Variants in AACS observed in about 807,000 individuals in gnomAD.
AACS encodes the protein acetoacetate-CoA ligase.
AACS carries 69 observed loss-of-function variants against 83.1 expected under a neutral mutation model. That is an observed-to-expected ratio of 0.83 (90% CI 0.68 to 1.01). The LOEUF is 1.01. Ranked by LOEUF, AACS falls within the 50% of genes least tolerant of loss-of-function variation. AACS has a pLI of 0.00. For missense variants in AACS, 866 were observed against 882.2 expected (o/e 0.98, Z 0.23); for synonymous variants, 333 against 343.4 (o/e 0.97, Z 0.33).
At chr12:125,081,410 T>C (rs2136054660) in intron 3 of AACS, among the ~76,000 whole-genome samples, 1 of 152,346 alleles carries the variant, frequency 6.6e-6, no homozygotes, top group Admixed American at 6.5e-5. Flanking sequence ...AGCAAGGGCC[T>C]AAGCAGCCGA....
intron 7 of AACS, chr12:125,105,454 T>C (rs1414460662): frequency 6.6e-6 from 1 of 152,226 alleles, no homozygotes; most frequent in Non-Finnish European, 1.5e-5. Flanking sequence ...CTTTCTTTCA[T>C]GCAACCTCGG....
At chr12:125,135,646 A>G (rs1443232678) in intron 16 of AACS, 3 of 152,190 alleles carry the variant, frequency 2.0e-5, no homozygotes, top group African/African-American at 7.2e-5. Context: ...AACTTATGTC[A>G]AGGTCGTTTG....
At position 125,128,673 on chromosome 12, in the gene AACS, G is replaced by A. The variant is rs537737194; in HGVS notation, c.1423+399G>A. 3 of 164,170 alleles carry A rather than the reference G, an allele frequency of 1.8e-5. No homozygotes were observed. In the South Asian group the frequency reaches 5.5e-4, roughly 30 times the overall value. 10.2% of individuals were successfully genotyped at this position (164,170 alleles called of 1,614,324 possible). The stretch of plus-strand genomic sequence containing the variant: ...AGCTAGAAATCCAGCTGTGCTAGGA[G>A]GGGTGAGCAGGGCTCAGTGCACCTG... On this transcript the variant is annotated intron_variant, in intron 13 of 17. Transcript: ENST00000316519.
At chr12:125,070,638 GATA>G (rs1555220912) in intron 1 of AACS, among the ~76,000 whole-genome samples, 1 of 152,218 alleles carries the variant, frequency 6.6e-6, no homozygotes, top group Non-Finnish European at 1.5e-5. Flanking sequence ...AGGTGCCCAA[GATA>G]ATAATAGTTA....
intron 16 of AACS, 30 bp from the exon 17 acceptor site, chr12:125,136,632 G>C: frequency 6.2e-7 from 1 of 1,604,476 alleles, no homozygotes; most frequent in Non-Finnish European, 8.5e-7. Flanking sequence ...GGCCCCCTGC[G>C]TGAATGTGCA....
At chr12:125,133,437 CTT>C (rs1957355802) in intron 14 of AACS, among the ~76,000 whole-genome samples, 1 of 152,230 alleles carries the variant, frequency 6.6e-6, no homozygotes, top group South Asian at 2.1e-4. Flanking sequence ...ATCCCTGGCT[CTT>C]TCCTCTTCCC....
intron 10 of AACS, 23 bp downstream of exon 10, chr12:125,118,788 C>A: frequency 6.2e-7 from 1 of 1,613,052 alleles, no homozygotes; most frequent in South Asian, 1.1e-5. Context: ...ATGCTGTGCT[C>A]AAAGCAAGGG....
intron 1 of AACS, among the ~76,000 whole-genome samples, chr12:125,066,519 G>C (rs1293628652): frequency 6.9e-6 from 1 of 145,920 alleles, no homozygotes; most frequent in Non-Finnish European, 1.5e-5. Flanking sequence ...GCGAGATCTC[G>C]GCACACTGCA....
chr12:125,090,806 A>G (rs1956466509), intron 4 of AACS, among the ~76,000 whole-genome samples: 1 of 152,238 alleles, frequency 6.6e-6, no homozygotes, highest in Non-Finnish European at 1.5e-5. Flanking sequence ...CATTTGGTAA[A>G]GCAAAGAACA....
rs563323261 is a variant in AACS at position 125,070,046 on chromosome 12, C to T, written c.134-3830C>T. Among the ~76,000 whole-genome samples, 43 of 152,272 alleles carry T rather than the reference C, an allele frequency of 2.8e-4. No individual in the cohort carries two copies. In the South Asian group the frequency reaches 6.0e-3, roughly 21 times the overall value. On this transcript the variant is annotated intron_variant, in intron 1 of 17. Transcript: ENST00000316519. Reference sequence around the variant, plus strand: ...TGTCTATGAGGAACATCTGAACCCCCGGCCCATCCCATGGAATGCAAGCTC... The same window carrying T: ...TGTCTATGAGGAACATCTGAACCCCTGGCCCATCCCATGGAATGCAAGCTC...
rs368114713 is a variant in AACS at position 125,114,462 on chromosome 12, G to T, written c.916-15G>T. 1.2e-6 allele frequency: 2 copies of T among 1,611,400 alleles called. No homozygotes were observed. Among genetic ancestry groups the T allele is most frequent in the South Asian group, 2.2e-5 (2 of 90,900 alleles). Reference sequence around the variant, plus strand: ...CCTAACAGAGAGCACCCGCTCCCCCGTGTCTCCCCTGCAGGGCACCCTCAT... The same window carrying T: ...CCTAACAGAGAGCACCCGCTCCCCCTTGTCTCCCCTGCAGGGCACCCTCAT... On this transcript the variant is annotated splice_polypyrimidine_tract_variant and intron_variant, in intron 8 of 17. Coordinates refer to ENST00000316519, the MANE Select transcript of AACS (RefSeq NM_023928.5).
At chr12:125,114,241 G>A (rs1448369896) in intron 8 of AACS, among the ~76,000 whole-genome samples, 1 of 151,998 alleles carries the variant, frequency 6.6e-6, no homozygotes, top group African/African-American at 2.4e-5. Context: ...GAGTGTCAGG[G>A]TTTTCCTCTC....
In AACS at chr12:125,069,092, C is replaced by A. The variant is rs549195902; in HGVS notation, c.133+3375C>A. Among the ~76,000 whole-genome samples, 44 of 152,282 alleles carry A rather than the reference C, an allele frequency of 2.9e-4. No individual in the cohort carries two copies. In the South Asian group the frequency reaches 9.1e-3, roughly 32 times the overall value. ...TCCTGACCTTGTGATCCACCCACCTCGACCTCCCAAAGTGCTGGGATTACA... is the reference window on the plus strand; with the variant it reads ...TCCTGACCTTGTGATCCACCCACCTAGACCTCCCAAAGTGCTGGGATTACA... On this transcript the variant is annotated intron_variant, in intron 1 of 17. Transcript: ENST00000316519.
intron 1 of AACS, among the ~76,000 whole-genome samples, chr12:125,070,750 T>G (rs1955839422): frequency 6.6e-6 from 1 of 152,198 alleles, no homozygotes; most frequent in East Asian, 1.9e-4. Flanking sequence ...TAGGTGGTAG[T>G]AGTAGCCCCA....
rs1295144505 is a variant in AACS, at chr12:125,142,321, A to G, written c.*92A>G. Reference sequence around the variant, plus strand: ...TTATACAGAAACCTACAGCTGTTGTAAAAGGATGCTCGCACCAAGTGTTCT... The same window carrying G: ...TTATACAGAAACCTACAGCTGTTGTGAAAGGATGCTCGCACCAAGTGTTCT... On this transcript the variant is annotated 3_prime_UTR_variant, in exon 18 of 18. Coordinates refer to ENST00000316519, the MANE Select transcript of AACS (RefSeq NM_023928.5). 7.2e-6 allele frequency: 11 copies of G among 1,531,054 alleles called. No individual in the cohort carries two copies. Among genetic ancestry groups the G allele is most frequent in the Non-Finnish European group, 8.9e-6 (10 of 1,129,526 alleles). 94.8% of individuals were successfully genotyped at this position (1,531,054 alleles called of 1,614,324 possible).
intron 10 of AACS, among the ~76,000 whole-genome samples, chr12:125,119,520 G>T (rs956107388): frequency 1.3e-5 from 2 of 152,224 alleles, no homozygotes; most frequent in African/African-American, 4.8e-5. Context: ...CAATCATGAT[G>T]GAAAGTGAAT....
intron 7 of AACS, among the ~76,000 whole-genome samples, chr12:125,106,871 C>T (rs1349185773): frequency 6.6e-6 from 1 of 152,176 alleles, no homozygotes; most frequent in Non-Finnish European, 1.5e-5. Context: ...AGCCCTTGGC[C>T]CTGTCAGCAG....
chr12:125,078,164 C>T (rs1956076982), intron 3 of AACS: 1 of 456,274 alleles, frequency 2.2e-6, no homozygotes, highest in Non-Finnish European at 4.4e-6. Context: ...AGAGCAGGGC[C>T]TCCCTTCTGC....
Position 125,111,721 on chromosome 12 carries a change from A to C in AACS, c.916-2756A>C, listed in dbSNP as rs76099230. Among the ~76,000 whole-genome samples, 344 of 152,362 alleles carry C rather than the reference A, an allele frequency of 2.3e-3. 4 individuals are homozygous for C. The highest frequency in any genetic ancestry group is 7.8e-3 in the African/African-American group (324 of 41,594). On this transcript the variant is annotated intron_variant, in intron 8 of 17. Coordinates refer to ENST00000316519, the MANE Select transcript of AACS (RefSeq NM_023928.5). ...GCTTCCTAAGTCTGTGAAAGGTGTCAGAAAGTGGCTCCCCTTTCTCTTCCT... is the reference window on the plus strand; with the variant it reads ...GCTTCCTAAGTCTGTGAAAGGTGTCCGAAAGTGGCTCCCCTTTCTCTTCCT...
Sources: allele counts gnomAD v4.1 joint callset (sites outside exome capture counted in the v4.1 genomes callset), GRCh38; gene constraint gnomAD v4.1.1; transcripts MANE v1.5; gene names NCBI Gene and HGNC (gene_info 2026-07-23, HGNC 2026-07-21).